The following ERC1 variants were observed in gnomAD, a reference collection of about 807,000 sequenced individuals.
ERC1 encodes RAB6 interacting protein 2.
In ERC1, 56 loss-of-function variants were observed where a neutral mutation model predicts 132.0. The observed-to-expected ratio is 0.42, with a 90% CI of 0.34 to 0.53. The LOEUF (loss-of-function observed/expected upper bound fraction) is 0.53, where lower values mean the gene tolerates loss of function less well. Among genes scored for constraint, ERC1 ranks in the 20% least tolerant of loss-of-function variants. The pLI is 0.03. For synonymous variants in ERC1, 478 were observed against 476.1 expected (o/e 1.00, Z -0.05); for missense variants, 1,202 against 1,349.9 (o/e 0.89, Z 1.72).
intron 18 of ERC1, chr12:1,444,957 G>A (rs1296830066): frequency 2.0e-5 from 8 of 407,006 alleles, no homozygotes; most frequent in Non-Finnish European, 3.4e-5. Flanking sequence ...TGGGGGGTGG[G>A]GAGGGGTTTC....
intron 18 of ERC1, among the ~76,000 whole-genome samples, chr12:1,464,356 G>A (rs547207124): frequency 1.3e-5 from 2 of 152,064 alleles, no homozygotes; most frequent in South Asian, 4.2e-4. Context: ...CGCCTATCAG[G>A]TCTTCCCCTC....
chr12:1,176,365 T>C (rs1333755098), intron 8 of ERC1, among the ~76,000 whole-genome samples: 1 of 152,194 alleles, frequency 6.6e-6, no homozygotes, highest in Admixed American at 6.5e-5. Flanking sequence ...ATACACCAAG[T>C]ACACCATGTT....
At chr12:1,331,476 C>A (rs1042230968) in intron 15 of ERC1, among the ~76,000 whole-genome samples, 2 of 152,134 alleles carry the variant, frequency 1.3e-5, no homozygotes, top group African/African-American at 2.4e-5. Flanking sequence ...ATAGTGGTAC[C>A]ATGAGCATTT....
chr12:1,042,629 C>T (rs1027274262), intron 2 of ERC1, among the ~76,000 whole-genome samples: 2 of 152,016 alleles, frequency 1.3e-5, no homozygotes, highest in African/African-American at 4.8e-5. Context: ...TGAGCCACCG[C>T]ACTCGGCCTA....
At chr12:1,112,844 C>G (rs1946036701) in intron 6 of ERC1, among the ~76,000 whole-genome samples, 1 of 152,094 alleles carries the variant, frequency 6.6e-6, no homozygotes, top group South Asian at 2.1e-4. Context: ...TTTCAGGTAT[C>G]TAAATCTAGT....
At chr12:1,090,866 GTTATTATTATTATTATTATTA>G (rs746269720) in intron 3 of ERC1, among the ~76,000 whole-genome samples, 5 of 26,614 alleles carry the variant, frequency 1.9e-4, no homozygotes, top group Admixed American at 5.8e-4. Flanking sequence ...TGTTGTTGTT[GTTATTATTATTATTATTATTA>G]TTATTATTAT....
intron 18 of ERC1, among the ~76,000 whole-genome samples, chr12:1,452,664 T>A (rs755901122): frequency 6.6e-6 from 1 of 152,268 alleles, no homozygotes; most frequent in Non-Finnish European, 1.5e-5. Flanking sequence ...TTTTCTGTTA[T>A]TAGTTTGGAT....
At chr12:1,441,202 G>C (rs935398258) in intron 17 of ERC1, among the ~76,000 whole-genome samples, 1 of 152,020 alleles carries the variant, frequency 6.6e-6, no homozygotes, top group African/African-American at 2.4e-5. Flanking sequence ...GGGATTACAG[G>C]CATGCGCCAC....
intron 18 of ERC1, among the ~76,000 whole-genome samples, chr12:1,475,959 C>T (rs1262670380): frequency 7.2e-6 from 1 of 138,158 alleles, no homozygotes; most frequent in Non-Finnish European, 1.6e-5. Context: ...AGTGAGATGT[C>T]ATCTCTTTAA....
intron 12 of ERC1, among the ~76,000 whole-genome samples, chr12:1,195,794 T>C (rs769158654): frequency 8.3e-5 from 12 of 144,118 alleles, no homozygotes; most frequent in Non-Finnish European, 1.4e-4. Flanking sequence ...AATTTCTGAT[T>C]GTTTAAGCCA....
chr12:1,357,338 C>T (rs1336551609), intron 15 of ERC1, among the ~76,000 whole-genome samples: 1 of 152,124 alleles, frequency 6.6e-6, no homozygotes, highest in Non-Finnish European at 1.5e-5. Flanking sequence ...CAAGCCCCCT[C>T]GGTAGCACAG....
intron 1 of ERC1, among the ~76,000 whole-genome samples, chr12:1,005,960 A>C (rs1592638775): frequency 6.8e-6 from 1 of 146,060 alleles, no homozygotes; most frequent in Non-Finnish European, 1.5e-5. Flanking sequence ...AATTCTTATT[A>C]CTTTTTTTTT....
chr12:1,443,522 A>G (rs1321205512), intron 17 of ERC1: 2 of 152,210 alleles, frequency 1.3e-5, no homozygotes, highest in Non-Finnish European at 2.9e-5. Flanking sequence ...GGTGACATGC[A>G]ACAGGTGCAG....
intron 12 of ERC1, among the ~76,000 whole-genome samples, chr12:1,229,820 A>T (rs983384751): frequency 1.3e-5 from 2 of 151,790 alleles, no homozygotes; most frequent in African/African-American, 2.4e-5. Context: ...TCCTTACTTT[A>T]GCTAACTTTG....
chr12:1,318,615 A>G (rs1040133158), intron 15 of ERC1, among the ~76,000 whole-genome samples: 2 of 152,226 alleles, frequency 1.3e-5, no homozygotes, highest in African/African-American at 2.4e-5. Flanking sequence ...CTGACTTACA[A>G]TAGAGTGATT....
chr12:1,403,895 A>G (rs1436257798), intron 16 of ERC1, among the ~76,000 whole-genome samples: 2 of 152,226 alleles, frequency 1.3e-5, no homozygotes, highest in African/African-American at 4.8e-5. Context: ...TTCTTAACCA[A>G]TTGAATGACA....
intron 14 of ERC1, among the ~76,000 whole-genome samples, chr12:1,268,782 A>C (rs2077634034): frequency 6.6e-6 from 1 of 152,206 alleles, no homozygotes; most frequent in African/African-American, 2.4e-5. Flanking sequence ...AAAGAAAGAA[A>C]GAACTAGGCA....
chr12:1,343,799 G>C (rs1228041811), intron 15 of ERC1, among the ~76,000 whole-genome samples: 1 of 151,876 alleles, frequency 6.6e-6, no homozygotes, highest in South Asian at 2.1e-4. Context: ...GCTGAAATAA[G>C]GTATATTCTG....
chr12:1,441,640 C>T (rs777910856), intron 17 of ERC1, among the ~76,000 whole-genome samples: 1 of 152,060 alleles, frequency 6.6e-6, no homozygotes, highest in Non-Finnish European at 1.5e-5. Context: ...CACAAACATG[C>T]GCGTGTGCAC....
Sources: allele counts gnomAD v4.1 joint callset (sites outside exome capture counted in the v4.1 genomes callset), GRCh38; gene constraint gnomAD v4.1.1; transcripts MANE v1.5; gene names NCBI Gene and HGNC (gene_info 2026-07-23, HGNC 2026-07-21).